Variants in DNAH8 observed in about 807,000 individuals in gnomAD.
The protein encoded by DNAH8 is dynein axonemal heavy chain 8, also known as axonemal beta dynein heavy chain 8.
In DNAH8, 382 loss-of-function variants were observed where a neutral mutation model predicts 562.1. That is an observed-to-expected ratio of 0.68 (90% CI 0.63 to 0.74). The LOEUF is 0.74. DNAH8 is among the 30% of genes least tolerant of loss of function. The probability of loss-of-function intolerance (pLI) is 0.00; values close to 1 mark genes in which losing one functional copy is unlikely to be tolerated. For missense variants in DNAH8, 5,203 were observed against 5,620.4 expected, an observed-to-expected ratio of 0.93 and a Z score of 2.37; for synonymous variants, 1,881 against 1,919.4, an observed-to-expected ratio of 0.98 and a Z score of 0.52.
At chr6:38,799,650 C>A (rs920802638) in intron 21 of DNAH8, among the ~76,000 whole-genome samples, 1 of 152,190 alleles carries the variant, frequency 6.6e-6, no homozygotes, top group African/African-American at 2.4e-5. Flanking sequence ...TTAAAGTGTA[C>A]ATCTCAATGC....
In DNAH8 at chr6:39,011,216, T is replaced by C. The variant is rs115467298; in HGVS notation, c.13372-999T>C. ...TTGCTGAAAGGAAACTTCTGCACCATACTAGAGGCCTGTCCTATAAAAGGA... is the reference window on the plus strand; with the variant it reads ...TTGCTGAAAGGAAACTTCTGCACCACACTAGAGGCCTGTCCTATAAAAGGA... On this transcript the variant is annotated intron_variant, in intron 89 of 92. Transcript: ENST00000327475. 4.6e-3 allele frequency among the ~76,000 whole-genome samples: 699 copies of C among 152,272 alleles called. 6 individuals carry two copies. Among genetic ancestry groups the C allele is most frequent in the African/African-American group, 0.015 (640 of 41,546 alleles).
At chr6:38,779,829 C>T in intron 14 of DNAH8, 137 bp from the exon 15 acceptor site, 1 of 836,992 alleles carries the variant, frequency 1.2e-6, no homozygotes, top group South Asian at 1.6e-5. Context: ...CTATCTCGTT[C>T]ATTGCTTTGT....
chr6:38,732,086 T>C (rs1182228575), intron 4 of DNAH8, among the ~76,000 whole-genome samples: 2 of 152,332 alleles, frequency 1.3e-5, no homozygotes, highest in East Asian at 3.9e-4. Flanking sequence ...GGTTATATAA[T>C]ACATTTTATT....
intron 30 of DNAH8, among the ~76,000 whole-genome samples, chr6:38,831,076 T>C (rs994305254): frequency 9.9e-5 from 15 of 152,166 alleles, no homozygotes; most frequent in African/African-American, 3.6e-4. Flanking sequence ...AGAAAAGAAA[T>C]AGGAAATCTC....
chr6:38,739,201 A>G (rs1764339017), intron 7 of DNAH8, among the ~76,000 whole-genome samples: 1 of 152,072 alleles, frequency 6.6e-6, no homozygotes, highest in African/African-American at 2.4e-5. Flanking sequence ...TATTAATCCT[A>G]TGTTGGTCCC....
chr6:38,862,235 G>A (rs201484299), intron 43 of DNAH8, 45 bp from the exon 44 acceptor site: 430 of 1,562,646 alleles, frequency 2.8e-4, no homozygotes, highest in Non-Finnish European at 2.3e-4. Context: ...ATCCTGTAAC[G>A]TGTCATCCCA....
chr6:39,001,358 T>C (rs1282259250), intron 88 of DNAH8, among the ~76,000 whole-genome samples: 2 of 152,044 alleles, frequency 1.3e-5, no homozygotes, highest in Admixed American at 1.3e-4. Context: ...CATGTCATCA[T>C]GTACAGAATG....
intron 69 of DNAH8, among the ~76,000 whole-genome samples, chr6:38,917,718 G>A (rs577164750): frequency 3.0e-4 from 45 of 152,246 alleles, no homozygotes; most frequent in African/African-American, 1.1e-3. Flanking sequence ...AACTTACATA[G>A]CTTTTCTTCT....
intron 47 of DNAH8, among the ~76,000 whole-genome samples, chr6:38,867,752 C>CAAAAAAAAAAAAAAAAAA (rs68060910): frequency 1.1e-5 from 1 of 88,802 alleles, no homozygotes; most frequent in Non-Finnish European, 2.3e-5. Flanking sequence ...GACTCCATCT[C>CAAAAAAAAAAAAAAAAAA]AAAAAAAAAA....
chr6:38,790,362 A>C lies in DNAH8; in HGVS notation c.2738A>C (p.Glu913Ala). 4 of 1,607,738 alleles carry C rather than the reference A, an allele frequency of 2.5e-6. No homozygotes were observed. Among genetic ancestry groups the C allele is most frequent in the Non-Finnish European group, 1.7e-6 (2 of 1,177,546 alleles). Residue 913 changes from glutamate (E) to alanine (A), a missense_variant, in exon 20 of 93, where the codon GAA (glutamate) becomes GCA (alanine). By Grantham distance (107) the Glu-to-Ala change is moderately radical. Transcript: ENST00000327475. ...SSLTLESFFQ[E>A]VELVLDMFNQ... ...TTAACACTGGAAAGCTTCTTTCAAGAAGTCGAATTAGTTTTGGATATGTTC... is the reference window on the plus strand; with the variant it reads ...TTAACACTGGAAAGCTTCTTTCAAGCAGTCGAATTAGTTTTGGATATGTTC...
intron 17 of DNAH8, among the ~76,000 whole-genome samples, chr6:38,785,678 T>G: frequency 6.7e-6 from 1 of 149,418 alleles, no homozygotes. Flanking sequence ...TTCCCCTCCC[T>G]GTGTCCATGT....
intron 32 of DNAH8, 25 bp from the exon 33 acceptor site, chr6:38,837,917 T>C (rs1583147602): frequency 6.8e-7 from 1 of 1,480,774 alleles, no homozygotes; most frequent in Admixed American, 1.7e-5. Flanking sequence ...TGTATTTTAG[T>C]ACAATTTAAA....
In DNAH8 at chr6:38,815,630, A is replaced by G. The variant is rs749245008; in HGVS notation, c.3496A>G (p.Thr1166Ala). The change falls in exon 26 of 93, where the codon ACA becomes GCA. Residue 1166 changes from threonine (T) to alanine (A), a missense_variant. By Grantham distance (58) the Thr-to-Ala change is moderately conservative. Around this residue, in one of 6 missense-constraint regions of DNAH8, gnomAD observed 2,176 missense variants for 2,365.1 expected, o/e 0.92. Transcript: ENST00000327475. ...CACTACTGACGTGACCCATCAAAAC[A>G]CAGGAAAACTGCTGAAGAAGGAAGA... ...PTTTDVTHQN[T>A]GKLLKKEERS... 1 of 1,613,238 alleles carries G rather than the reference A, an allele frequency of 6.2e-7. No individual in the cohort carries two copies. The highest frequency in any genetic ancestry group is 8.5e-7 in the Non-Finnish European group (1 of 1,179,492).
intron 70 of DNAH8, 136 bp downstream of exon 70, chr6:38,918,276 C>T (rs1781459479): frequency 1.7e-6 from 1 of 596,798 alleles, no homozygotes. Flanking sequence ...TCTTTTTTCT[C>T]TATGTCCTCT....
intron 70 of DNAH8, among the ~76,000 whole-genome samples, chr6:38,920,726 A>G (rs1462183135): frequency 1.3e-5 from 2 of 152,158 alleles, no homozygotes; most frequent in African/African-American, 4.8e-5. Context: ...TTCATGATGG[A>G]CTTGGGACCT....
chr6:39,030,521 G>A lies in DNAH8; in HGVS notation c.*129G>A. On this transcript the variant is annotated 3_prime_UTR_variant, in exon 93 of 93. Transcript: ENST00000327475. ...ACTCTTTCTACATTAAAAAGTTGATGTTCTAAAATTGCTAGTGCGTGTGTG... is the reference window on the plus strand; with the variant it reads ...ACTCTTTCTACATTAAAAAGTTGATATTCTAAAATTGCTAGTGCGTGTGTG... 2 of 806,216 alleles carry A rather than the reference G, an allele frequency of 2.5e-6. No homozygotes were observed. Among genetic ancestry groups the A allele is most frequent in the Non-Finnish European group, 3.8e-6 (2 of 524,368 alleles). The allele number at this position is 806,216 out of a possible 1,614,324, so 49.9% of individuals were successfully genotyped here. A position where few individuals can be genotyped will look rare whatever the true frequency, so the allele number is the denominator to read the frequency against.
At chr6:38,918,187 C>A in intron 70 of DNAH8, 47 bp downstream of exon 70, 1 of 1,377,426 alleles carries the variant, frequency 7.3e-7, no homozygotes, top group South Asian at 1.3e-5. Context: ...TTCATAAAAT[C>A]AGTCATCAGT....
chr6:38,965,721 T>TC (rs1246910883), intron 82 of DNAH8, among the ~76,000 whole-genome samples: 3 of 151,736 alleles, frequency 2.0e-5, no homozygotes, highest in Non-Finnish European at 4.4e-5. Flanking sequence ...CTCTTGAGAG[T>TC]CCCCCTTATG....
At chr6:38,742,991 AAAT>A (rs1764637833) in intron 8 of DNAH8, among the ~76,000 whole-genome samples, 5 of 125,772 alleles carry the variant, frequency 4.0e-5, no homozygotes, top group Admixed American at 3.2e-4. Flanking sequence ...TTTTCCAAAA[AAAT>A]GTTGTTGTTG....
Sources: allele counts gnomAD v4.1 joint callset (sites outside exome capture counted in the v4.1 genomes callset), GRCh38; gene constraint gnomAD v4.1.1; regional missense constraint gnomAD v4.1.1; transcripts MANE v1.5; gene names NCBI Gene and HGNC (gene_info 2026-07-23, HGNC 2026-07-21).